IL12B: variants seen among roughly 807,000 people sequenced by gnomAD.
IL12B encodes the protein interleukin 12B, also known as interleukin-12 subunit beta.
IL12B carries 27 observed loss-of-function variants against 39.2 expected under a neutral mutation model. That is an observed-to-expected ratio of 0.69 (90% confidence interval 0.51 to 0.95). The LOEUF (loss-of-function observed/expected upper bound fraction) is 0.95. Ranked by LOEUF, IL12B falls within the 40% of genes least tolerant of loss-of-function variation. The pLI is 0.00. For synonymous variants in IL12B, 142 were observed against 152.1 expected (o/e 0.93, Z 0.49); for missense variants, 351 against 397.6 (o/e 0.88, Z 1.00).
At position 159,329,733 on chromosome 5, in the gene IL12B, C is replaced by A. The variant is rs78498687; in HGVS notation, c.-1+699G>T. On this transcript the variant is annotated intron_variant, in intron 1 of 7. Coordinates refer to ENST00000231228, the MANE Select transcript of IL12B (RefSeq NM_002187.3). Reference sequence around the variant, plus strand: ...CAATTCCTTGTTTGAAAAAGTGGGTCATCACCTGGGGTTTAGTAATCCCTT... The same window carrying A: ...CAATTCCTTGTTTGAAAAAGTGGGTAATCACCTGGGGTTTAGTAATCCCTT... Among the ~76,000 whole-genome samples, 1,265 of 152,118 alleles carry A rather than the reference C, an allele frequency of 8.3e-3. 17 individuals are homozygous for A. The highest frequency in any genetic ancestry group is 0.027 in the African/African-American group (1,137 of 41,490).
In IL12B at chr5:159,320,458, C is replaced by A; in HGVS notation, c.545G>T (p.Gly182Val). The A allele has an allele frequency of 6.2e-7, 1 of 1,614,164 alleles. No homozygotes were observed. Among genetic ancestry groups the A allele is most frequent in the South Asian group, 1.1e-5 (1 of 91,072 alleles). The change falls in exon 5 of 8, where the codon GGG (glycine) becomes GTG (valine). Residue 182 changes from glycine (G) to valine (V), a missense_variant. Coordinates refer to ENST00000231228, the MANE Select transcript of IL12B (RefSeq NM_002187.3). The part of the protein sequence containing the change: ...AATLSAERVR[G>V]DNKEYEYSVE... ...TGAGTACTCATACTCCTTGTTGTCC[C>A]CTCTGACTCTCTCTGCAGAGAGTGT...
At chr5:159,318,951 T>G (rs1044774952) in intron 5 of IL12B, 58 bp from the exon 6 acceptor site, 1 of 1,486,232 alleles carries the variant, frequency 6.7e-7, no homozygotes, top group African/African-American at 1.4e-5. Context: ...GTTCAGTGGT[T>G]TTGGCTTATG....
chr5:159,326,901 T>C (rs1754200797), intron 1 of IL12B, 119 bp from the exon 2 acceptor site: 4 of 722,360 alleles, frequency 5.5e-6, no homozygotes, highest in Admixed American at 2.2e-5. Flanking sequence ...ATACACATTC[T>C]AGCTACTTTT....
chr5:159,320,379 A>C lies in IL12B; in HGVS notation c.624T>G (p.Ile208Met). Residue 208 changes from isoleucine (I) to methionine (M), a missense_variant, in exon 5 of 8, where the codon ATT becomes ATG. Ile to Met is a conservative substitution (Grantham distance 10). Transcript: ENST00000231228. ...TGTGAACGGCATCCACCATGACCTC[A>C]ATGGGCAGACTCTCCTCAGCAGCTG... ...ACPAAEESLP[I>M]EVMVDAVHKL... The C allele has an allele frequency of 6.2e-7, 1 of 1,614,080 alleles. No individual in the cohort carries two copies. Among genetic ancestry groups the C allele is most frequent in the South Asian group, 1.1e-5 (1 of 91,070 alleles).
chr5:159,324,779 A>G (rs1213740073), intron 2 of IL12B, among the ~76,000 whole-genome samples: 1 of 152,242 alleles, frequency 6.6e-6, no homozygotes, highest in Non-Finnish European at 1.5e-5. Flanking sequence ...GTGCCCTTAC[A>G]TGCTTTATAA....
At position 159,320,263 on chromosome 5, in the gene IL12B, A is replaced by G. The variant is rs752231478; in HGVS notation, c.697+43T>C. 3.3e-6 allele frequency: 5 copies of G among 1,529,854 alleles called. No homozygotes were observed. The South Asian group carries it at 4.5e-5, about 14-fold the overall frequency. The allele number at this position is 1,529,854 out of a possible 1,614,324, so 94.8% of individuals were successfully genotyped here. On this transcript the variant is annotated intron_variant, in intron 5 of 7. Transcript: ENST00000231228. ...GGGGCATTGTGAACACGTGACAAATAGTATCTTTCCTTATGGAGCACATAT... is the reference window on the plus strand; with the variant it reads ...GGGGCATTGTGAACACGTGACAAATGGTATCTTTCCTTATGGAGCACATAT...
chr5:159,320,180 G>GT (rs1754062130), intron 5 of IL12B, 126 bp downstream of exon 5: 1 of 809,474 alleles, frequency 1.2e-6, no homozygotes, highest in African/African-American at 1.7e-5. Context: ...ATCGTATTTT[G>GT]TTTTTGGATG....
At chr5:159,318,124 C>T (rs1754018700) in intron 6 of IL12B, 1 of 157,162 alleles carries the variant, frequency 6.4e-6, no homozygotes, top group Non-Finnish European at 1.4e-5. Context: ...AAAATTCCTG[C>T]ATCAGCTACA....
Position 159,326,778 on chromosome 5 carries a change from C to T in IL12B, c.5G>A (p.Cys2Tyr). ...CCAAGAGATGACCAACTGCTGGTGA[C>T]ACATCTATAAGAAGGGAGAGAAGCA... M[C>Y]HQQLVISWFS... Residue 2 changes from cysteine (C) to tyrosine (Y), a missense_variant, in exon 2 of 8, where the codon TGT becomes TAT. Cys to Tyr is a radical substitution (Grantham distance 194). Coordinates refer to ENST00000231228, the MANE Select transcript of IL12B (RefSeq NM_002187.3). 6.2e-7 allele frequency: 1 copy of T among 1,602,898 alleles called. No homozygotes were observed. The highest frequency in any genetic ancestry group is 8.5e-7 in the Non-Finnish European group (1 of 1,170,280).
In IL12B at chr5:159,316,649, G is replaced by A. The variant is rs368783048; in HGVS notation, c.*36C>T. On this transcript the variant is annotated intron_variant, in intron 7 of 7. Transcript: ENST00000231228. ...ATCCCTGCATCCAGGTGCACTGAGA[G>A]TGCAGGCCTGGGCTGGCCTTTGAGG... The A allele has an allele frequency of 5.6e-6, 9 of 1,596,994 alleles. No individual in the cohort carries two copies. The African/African-American group carries it at 9.4e-5, about 17-fold the overall frequency.
intron 1 of IL12B, among the ~76,000 whole-genome samples, chr5:159,327,245 G>A (rs182272268): frequency 1.3e-5 from 2 of 152,304 alleles, no homozygotes; most frequent in East Asian, 3.9e-4. Flanking sequence ...CCGCTTCCTA[G>A]GAGCAAATAC....
At chr5:159,320,557 T>C (rs373540096) in intron 4 of IL12B, 37 bp from the exon 5 acceptor site, 180 of 1,539,178 alleles carry the variant, frequency 1.2e-4, no homozygotes, top group East Asian at 4.0e-4. Context: ...GTGTTACACA[T>C]TGGGGAGAGA....
intron 1 of IL12B, among the ~76,000 whole-genome samples, chr5:159,329,549 T>C (rs1754243387): frequency 6.6e-6 from 1 of 152,208 alleles, no homozygotes; most frequent in African/African-American, 2.4e-5. Context: ...TCTTATGCCA[T>C]GGATCATGTC....
chr5:159,320,582 T>A, intron 4 of IL12B, 62 bp from the exon 5 acceptor site: 1 of 1,397,332 alleles, frequency 7.2e-7, no homozygotes, highest in South Asian at 1.2e-5. Context: ...CTAGTGATTG[T>A]AGCCAGTAAG....
At position 159,323,191 on chromosome 5, in the gene IL12B, G is replaced by A. The variant is rs1554157031; in HGVS notation, c.227C>T (p.Thr76Ile). 6.2e-7 allele frequency: 1 copy of A among 1,614,118 alleles called. No homozygotes were observed. The highest frequency in any genetic ancestry group is 8.5e-7 in the Non-Finnish European group (1 of 1,180,014). Residue 76 changes from threonine to isoleucine, a missense_variant, in exon 3 of 8, where the codon ACC (threonine) becomes ATC (isoleucine). Transcript: ENST00000231228. ...ATCTCCAAACTCTTTGACTTGGATG[G>A]TCAGGGTTTTGCCAGAGCCTAAGAC... is the stretch of plus-strand genomic sequence containing the variant. ...SEVLGSGKTLTIQVKEFGDAG... is the reference protein window; with the variant it reads ...SEVLGSGKTLIIQVKEFGDAG...
At chr5:159,320,102 G>A (rs928799792) in intron 5 of IL12B, among the ~76,000 whole-genome samples, 23 of 152,282 alleles carry the variant, frequency 1.5e-4, no homozygotes, top group African/African-American at 4.6e-4. Flanking sequence ...TCTGAGATCT[G>A]GGGCAAGTTG....
At position 159,318,875 on chromosome 5, in the gene IL12B, T is replaced by C; in HGVS notation, c.716A>G (p.Lys239Arg). The change falls in exon 6 of 8, where the codon AAG becomes AGG. Residue 239 changes from lysine (K) to arginine (R), a missense_variant. Coordinates refer to ENST00000231228, the MANE Select transcript of IL12B (RefSeq NM_002187.3). ...CTTTAATGGCTTCAGCTGCAAGTTC[T>C]TGGGTGGGTCAGGTTTGACTGTGGA... Reference protein sequence around the residue: ...IRDIIKPDPPKNLQLKPLKNS... With the variant: ...IRDIIKPDPPRNLQLKPLKNS... 1 of 1,614,104 alleles carries C rather than the reference T, an allele frequency of 6.2e-7. No individual in the cohort carries two copies. Among genetic ancestry groups the C allele is most frequent in the African/African-American group, 1.3e-5 (1 of 75,062 alleles).
chr5:159,319,002 A>G (rs989927547), intron 5 of IL12B, 109 bp from the exon 6 acceptor site: 4 of 952,224 alleles, frequency 4.2e-6, no homozygotes, highest in Non-Finnish European at 4.9e-6. Context: ...TCCACTGGAT[A>G]GTTACTTAAC....
At chr5:159,321,396 C>T (rs1166818839) in intron 4 of IL12B, among the ~76,000 whole-genome samples, 1 of 150,954 alleles carries the variant, frequency 6.6e-6, no homozygotes, top group Non-Finnish European at 1.5e-5. Flanking sequence ...CATATGTATA[C>T]ACACATTATA....
Sources: allele counts gnomAD v4.1 joint callset (sites outside exome capture counted in the v4.1 genomes callset), GRCh38; gene constraint gnomAD v4.1.1; transcripts MANE v1.5; gene names NCBI Gene and HGNC (gene_info 2026-07-23, HGNC 2026-07-21).